Variants in PCCA observed in about 807,000 individuals in gnomAD.
PCCA encodes the protein propionyl-CoA carboxylase alpha chain, mitochondrial.
A neutral mutation model predicts 101.3 loss-of-function variants in PCCA; 74 were observed. The observed-to-expected ratio is 0.73, with a 90% CI of 0.61 to 0.89. The LOEUF (loss-of-function observed/expected upper bound fraction) is 0.89. Ranked by LOEUF, PCCA falls within the 40% of genes least tolerant of loss-of-function variation. PCCA has a pLI of 0.00. For missense variants in PCCA, 891 were observed against 907.0 expected (o/e 0.98, Z 0.23); for synonymous variants, 294 against 313.6 (o/e 0.94, Z 0.66).
chr13:100,161,327 T>C (rs1256677892), intron 6 of PCCA: 3 of 152,200 alleles, frequency 2.0e-5, no homozygotes, highest in Non-Finnish European at 2.9e-5. Flanking sequence ...ATATGTTCTT[T>C]AATTTAACAG....
chr13:100,370,308 C>T (rs978781182), intron 19 of PCCA, among the ~76,000 whole-genome samples: 2 of 151,986 alleles, frequency 1.3e-5, no homozygotes, highest in African/African-American at 4.8e-5. Flanking sequence ...TGGTCTCGAA[C>T]ACCTGAGCTC....
intron 7 of PCCA, among the ~76,000 whole-genome samples, chr13:100,211,862 T>G (rs2059235867): frequency 6.6e-6 from 1 of 152,116 alleles, no homozygotes; most frequent in Admixed American, 6.5e-5. Flanking sequence ...CACGTCAGCT[T>G]CTTGAATAGG....
intron 6 of PCCA, among the ~76,000 whole-genome samples, chr13:100,194,563 G>A (rs1450303985): frequency 1.1e-4 from 16 of 152,020 alleles, no homozygotes; most frequent in African/African-American, 2.9e-4. Flanking sequence ...GATTACAGGC[G>A]TGTGCCACCA....
chr13:100,244,615 T>C (rs2061333148), intron 8 of PCCA, among the ~76,000 whole-genome samples: 1 of 143,970 alleles, frequency 6.9e-6, no homozygotes, highest in African/African-American at 3.0e-5. Flanking sequence ...AAAACATTGC[T>C]TTTTTTGTTT....
In PCCA at chr13:100,502,358, CCT is replaced by C. The variant is rs11469076; in HGVS notation, c.1900-13067_1900-13066del. 4.4e-3 allele frequency among the ~76,000 whole-genome samples: 666 copies of C among 152,306 alleles called. 32 individuals carry two copies. In the East Asian group the frequency reaches 0.098, roughly 22 times the overall value. ...GCTGAACGGGCACCCTCTCATCCCA[CCT>C]CACCCTGGCTGTGTGTACTGTATAT... On this transcript the variant is annotated intron_variant, in intron 21 of 23. Transcript: ENST00000376285.
chr13:100,120,665 C>T (rs988450551), intron 4 of PCCA, among the ~76,000 whole-genome samples: 1 of 152,142 alleles, frequency 6.6e-6, no homozygotes, highest in Non-Finnish European at 1.5e-5. Context: ...GTATAAAATA[C>T]TCCAATGGGA....
intron 1 of PCCA, among the ~76,000 whole-genome samples, chr13:100,100,083 A>G (rs1286545864): frequency 1.3e-5 from 2 of 152,174 alleles, no homozygotes; most frequent in African/African-American, 2.4e-5. Context: ...TACTGTTTAT[A>G]AAAACTCATT....
chr13:100,468,454 A>C (rs111639534), intron 21 of PCCA, among the ~76,000 whole-genome samples: 1 of 152,220 alleles, frequency 6.6e-6, no homozygotes, highest in Non-Finnish European at 1.5e-5. Context: ...GAAAATCTGT[A>C]GTTTAGTGTG....
At chr13:100,250,400 A>G (rs1424458453) in intron 8 of PCCA, among the ~76,000 whole-genome samples, 1 of 152,108 alleles carries the variant, frequency 6.6e-6, no homozygotes, top group Non-Finnish European at 1.5e-5. Context: ...GCATACCAGG[A>G]TTAAATCCCA....
intron 22 of PCCA, among the ~76,000 whole-genome samples, chr13:100,517,468 A>G (rs72661014): frequency 0.26 from 39,927 of 152,210 alleles, 5,927 homozygotes; most frequent in Middle Eastern, 0.4. Context: ...TGTAGCTCAG[A>G]TATTAAAAAC....
intron 12 of PCCA, among the ~76,000 whole-genome samples, chr13:100,284,730 C>T (rs2064454361): frequency 1.3e-5 from 2 of 152,194 alleles, no homozygotes; most frequent in Non-Finnish European, 2.9e-5. Context: ...TCAAGGATGT[C>T]TTCTTCTATA....
chr13:100,328,566 G>A (rs891095147), intron 16 of PCCA, among the ~76,000 whole-genome samples: 27 of 150,944 alleles, frequency 1.8e-4, no homozygotes, highest in African/African-American at 6.1e-4. Context: ...CTAAGAATCC[G>A]TTGCCTACCT....
chr13:100,157,939 ATGTTATACT>A (rs1454041165), intron 6 of PCCA, among the ~76,000 whole-genome samples: 1 of 152,220 alleles, frequency 6.6e-6, no homozygotes, highest in African/African-American at 2.4e-5. Context: ...TTATTCTAAT[ATGTTATACT>A]TGTTTCTGTG....
intron 19 of PCCA, among the ~76,000 whole-genome samples, chr13:100,370,336 C>G (rs2152814587): frequency 6.6e-6 from 1 of 152,146 alleles, no homozygotes; most frequent in Non-Finnish European, 1.5e-5. Flanking sequence ...CCTCCTGTCT[C>G]AGCCTCCCAA....
At chr13:100,361,803 T>C (rs2074632937) in intron 18 of PCCA, among the ~76,000 whole-genome samples, 2 of 152,200 alleles carry the variant, frequency 1.3e-5, no homozygotes, top group Admixed American at 1.3e-4. Context: ...AACATGGAAA[T>C]GTTGTAATCT....
rs2152752048 is a variant in PCCA, at chr13:100,340,266, TAGATCA to T, written c.1643+8_1643+13del. ...ATTTTCAAGAAAATTCAAGGTATGG[TAGATCA>T]TTTAAAACAGAATAAATGAGCAGAA... On this transcript the variant is annotated splice_region_variant and intron_variant, in intron 18 of 23. Transcript: ENST00000376285. 2 of 1,400,760 alleles carry T rather than the reference TAGATCA, an allele frequency of 1.4e-6. No individual in the cohort carries two copies. Among genetic ancestry groups the T allele is most frequent in the Non-Finnish European group, 2.0e-6 (2 of 985,512 alleles). 86.8% of individuals were successfully genotyped at this position (1,400,760 alleles called of 1,614,324 possible). A position where few individuals can be genotyped will look rare whatever the true frequency, so the allele number is the denominator to read the frequency against.
chr13:100,130,993 T>A (rs916811489), intron 4 of PCCA, among the ~76,000 whole-genome samples: 3 of 152,216 alleles, frequency 2.0e-5, no homozygotes, highest in African/African-American at 7.2e-5. Context: ...AACATAAAAG[T>A]TTACCATTTT....
At chr13:100,383,689 TATA>T (rs1334021130) in intron 19 of PCCA, among the ~76,000 whole-genome samples, 1 of 152,182 alleles carries the variant, frequency 6.6e-6, no homozygotes, top group African/African-American at 2.4e-5. Context: ...TTGTTTTCTT[TATA>T]ATGTTTGTTT....
chr13:100,469,227 AG>A (rs753567039), intron 21 of PCCA, among the ~76,000 whole-genome samples: 1 of 150,400 alleles, frequency 6.6e-6, no homozygotes, highest in African/African-American at 2.4e-5. Flanking sequence ...AAAAAAAAAA[AG>A]AATCCCTTTG....
Sources: gnomAD v4.1 joint callset for allele counts (sites outside exome capture counted in the v4.1 genomes callset) on GRCh38, gnomAD v4.1.1 for gene constraint, MANE v1.5 for transcripts, NCBI Gene and HGNC (gene_info 2026-07-23, HGNC 2026-07-21) for gene names.